Variants in CAMK1 observed in about 807,000 individuals in gnomAD.
CAMK1 encodes the protein calcium/calmodulin dependent protein kinase I.
A neutral mutation model predicts 49.1 loss-of-function variants in CAMK1; 39 were observed. The observed-to-expected ratio is 0.79, with a 90% CI of 0.62 to 1.04. CAMK1 has a LOEUF of 1.04. Ranked by LOEUF, CAMK1 falls within the 50% of genes least tolerant of loss-of-function variation. The probability of loss-of-function intolerance (pLI) is 0.00; values close to 1 mark genes in which losing one functional copy is unlikely to be tolerated. For synonymous variants in CAMK1, 192 were observed against 185.2 expected (o/e 1.04, Z -0.30); for missense variants, 457 against 472.2 (o/e 0.97, Z 0.30).
intron 3 of CAMK1, among the ~76,000 whole-genome samples, chr3:9,764,832 G>A (rs936893771): frequency 2.0e-5 from 3 of 151,712 alleles, no homozygotes; most frequent in African/African-American, 7.2e-5. Flanking sequence ...GGGTTTCTCC[G>A]TGTTGGTCAG....
At chr3:9,761,846 T>C in intron 5 of CAMK1, 89 bp from the exon 6 acceptor site, 2 of 1,535,672 alleles carry the variant, frequency 1.3e-6, no homozygotes, top group Non-Finnish European at 1.7e-6. Context: ...TTCTGAGAAA[T>C]AATGGATCCC....
At chr3:9,758,093 TTAA>T (rs1575216159) in intron 10 of CAMK1, 1 of 484,644 alleles carries the variant, frequency 2.1e-6, no homozygotes, top group Non-Finnish European at 3.5e-6. Flanking sequence ...ATAATTCATA[TTAA>T]TATGTAATAG....
chr3:9,758,088 T>A (rs1575216122), intron 10 of CAMK1: 1 of 502,124 alleles, frequency 2.0e-6, no homozygotes, highest in East Asian at 3.7e-5. Context: ...TAACTATAAT[T>A]CATATTAATA....
intron 2 of CAMK1, chr3:9,766,588 C>T: frequency 2.0e-6 from 2 of 984,204 alleles, no homozygotes; most frequent in Non-Finnish European, 2.6e-6. Flanking sequence ...GCTCATTGAA[C>T]TTTAAGAAGC....
At position 9,760,680 on chromosome 3, in the gene CAMK1, A is replaced by G; in HGVS notation, c.721T>C (p.Tyr241His). ...CCAGAGTCAGAGATGTCGTCCCAGTAAGGAGAGTCAAACTCGTACTCGGCC... is the reference window on the plus strand; with the variant it reads ...CCAGAGTCAGAGATGTCGTCCCAGTGAGGAGAGTCAAACTCGTACTCGGCC... ...LKAEYEFDSP[Y>H]WDDISDSAKD... is the part of the protein sequence containing the mutation. Residue 241 changes from tyrosine to histidine, a missense_variant, in exon 8 of 12, where the codon TAC becomes CAC. Coordinates refer to ENST00000256460, the MANE Select transcript of CAMK1 (RefSeq NM_003656.5). The G allele has an allele frequency of 1.2e-6, 2 of 1,614,058 alleles. No homozygotes were observed. Among genetic ancestry groups the G allele is most frequent in the Non-Finnish European group, 1.7e-6 (2 of 1,179,964 alleles).
chr3:9,766,226 G>A (rs1207294565), intron 2 of CAMK1: 3 of 723,682 alleles, frequency 4.1e-6, no homozygotes, highest in Non-Finnish European at 7.4e-6. Flanking sequence ...GCTTGGGAAT[G>A]AAATTAACAC....
intron 5 of CAMK1, chr3:9,762,315 T>C (rs947587366): frequency 1.3e-5 from 2 of 154,014 alleles, no homozygotes; most frequent in African/African-American, 2.4e-5. Context: ...TATGTTTTGC[T>C]GTCCCATCCA....
chr3:9,759,093 C>G (rs2077723719), intron 10 of CAMK1: 6 of 1,031,000 alleles, frequency 5.8e-6, no homozygotes, highest in Non-Finnish European at 9.2e-6. Context: ...GTCCCCTCAG[C>G]CCCTCCAGTC....
rs1453485937 is a variant in CAMK1 at position 9,761,507 on chromosome 3, T to TAA, written c.585_586insTT (p.Ser196LeufsTer10). 6.2e-7 allele frequency: 1 copy of TAA among 1,613,668 alleles called. No homozygotes were observed. Among genetic ancestry groups the TAA allele is most frequent in the Non-Finnish European group, 8.5e-7 (1 of 1,179,748 alleles). Reference sequence around the variant, plus strand: ...ATGGACCAGCAATCCACAGCCTTGCTGTAGGGCTTCTGGGCCAGGACTTCA... The same window carrying TAA: ...ATGGACCAGCAATCCACAGCCTTGCTAAGTAGGGCTTCTGGGCCAGGACTTCA... On this transcript the variant is annotated frameshift_variant, in exon 7 of 12. Transcript: ENST00000256460. LOFTEE classifies it high-confidence loss of function.
intron 2 of CAMK1, chr3:9,766,384 G>A: frequency 1.7e-6 from 1 of 597,288 alleles, no homozygotes; most frequent in Non-Finnish European, 3.1e-6. Context: ...TTCGAGTCAT[G>A]GCTAATTTAA....
In CAMK1 at chr3:9,759,509, GTTC is replaced by G. The variant is rs745642487; in HGVS notation, c.888_890del (p.Lys296del). ...TCACCTTCCACTTGCTCTTGGCAAA[GTTC>G]TTCTTGATCTGCTCACTCACCGACT... On this transcript the variant is annotated inframe_deletion, in exon 10 of 12. Coordinates refer to ENST00000256460, the MANE Select transcript of CAMK1 (RefSeq NM_003656.5). 10 of 1,614,072 alleles carry G rather than the reference GTTC, an allele frequency of 6.2e-6. No homozygotes were observed. Among genetic ancestry groups the G allele is most frequent in the East Asian group, 2.2e-5 (1 of 44,888 alleles).
chr3:9,757,981 A>G lies in CAMK1; in HGVS notation c.913-135T>C. 1.4e-6 allele frequency: 2 copies of G among 1,428,592 alleles called. No homozygotes were observed. The highest frequency in any genetic ancestry group is 1.8e-6 in the Non-Finnish European group (2 of 1,083,010). The allele number at this position is 1,428,592 out of a possible 1,614,324, so 88.5% of individuals were successfully genotyped here. A position where few individuals can be genotyped will look rare whatever the true frequency, so the allele number is the denominator to read the frequency against. On this transcript the variant is annotated intron_variant, in intron 10 of 11. Transcript: ENST00000256460. The surrounding 1 kb of genome is among the most constrained non-coding windows in gnomAD (Gnocchi z 4.5). ...GGAGTTATTTTATTAATTCCCCTAA[A>G]GCCCCCCAAAAACCTCTACAAGGCT...
At chr3:9,767,103 C>A (rs960197820) in intron 2 of CAMK1, among the ~76,000 whole-genome samples, 3 of 152,178 alleles carry the variant, frequency 2.0e-5, no homozygotes, top group African/African-American at 7.2e-5. Context: ...TGTCCTTCTT[C>A]CTCTCTGACA....
chr3:9,759,203 C>G, intron 10 of CAMK1: 1 of 1,613,520 alleles, frequency 6.2e-7, no homozygotes, highest in Non-Finnish European at 8.5e-7. Flanking sequence ...CAGGTCATCA[C>G]CACTTTTATG....
chr3:9,763,348 G>T, intron 3 of CAMK1, 135 bp from the exon 4 acceptor site: 2 of 990,146 alleles, frequency 2.0e-6, no homozygotes, highest in South Asian at 1.5e-5. Flanking sequence ...TGTTATGATT[G>T]CACCTGTGAC....
intron 10 of CAMK1, chr3:9,758,985 A>G: frequency 1.7e-6 from 1 of 584,960 alleles, no homozygotes; most frequent in Admixed American, 2.9e-5. Flanking sequence ...GGGGCTCCTC[A>G]GTGCCCTCAG....
intron 2 of CAMK1, chr3:9,766,376 C>G: frequency 1.6e-6 from 1 of 613,022 alleles, no homozygotes; most frequent in Non-Finnish European, 3.0e-6. Context: ...TCTGCTAATT[C>G]GAGTCATGGC....
intron 7 of CAMK1, 129 bp downstream of exon 7, chr3:9,761,332 A>C (rs2077858932): frequency 4.4e-6 from 4 of 900,368 alleles, no homozygotes; most frequent in Non-Finnish European, 6.8e-6. Flanking sequence ...AATACTGGTA[A>C]TTGATTGGTG....
intron 1 of CAMK1, 31 bp from the exon 2 acceptor site, chr3:9,767,812 C>G: frequency 6.2e-7 from 1 of 1,602,800 alleles, no homozygotes. Context: ...GGAGACTCAG[C>G]AGAGCCCAGC....
Sources: allele counts gnomAD v4.1 joint callset (sites outside exome capture counted in the v4.1 genomes callset), GRCh38; gene constraint gnomAD v4.1.1; non-coding constraint Gnocchi (gnomAD v3.1); transcripts MANE v1.5; gene names NCBI Gene and HGNC (gene_info 2026-07-23, HGNC 2026-07-21).